GPR35: variants seen among roughly 807,000 people sequenced by gnomAD.
The protein encoded by GPR35 is KYNA receptor.
For synonymous variants in GPR35, 207 were observed against 198.4 expected (o/e 1.04, Z -0.36); for missense variants, 372 against 422.5 (o/e 0.88, Z 1.05).
intron 5 of GPR35, among the ~76,000 whole-genome samples, chr2:240,620,384 G>A (rs894797769): frequency 2.0e-5 from 3 of 152,118 alleles, no homozygotes; most frequent in Non-Finnish European, 4.4e-5. Flanking sequence ...GCGTGGAGAC[G>A]GCCCCTGAGT....
Position 240,630,708 on chromosome 2 carries a change from G to A in GPR35, c.756G>A (p.Glu252=), listed in dbSNP as rs144191361. The A allele has an allele frequency of 5.6e-6, 9 of 1,613,412 alleles. No individual in the cohort carries two copies. The highest frequency in any genetic ancestry group is 2.2e-5 in the East Asian group (1 of 44,886). ...AVGWNACALL[E]TIRRALYITS... ...GCTGGAACGCCTGTGCCCTCCTGGA[G>A]ACGATCCGTCGCGCCCTGTACATAA... The change falls in exon 2 of 2, where the codon GAG becomes GAA. Residue 252 remains glutamate, a synonymous_variant. Coordinates refer to ENST00000407714, the MANE Select transcript of GPR35 (RefSeq NM_005301.5).
chr2:240,622,614 G>A (rs552195561), upstream of GPR35, among the ~76,000 whole-genome samples: 26 of 152,394 alleles, frequency 1.7e-4, no homozygotes, highest in South Asian at 6.2e-4. Context: ...CCCGCAGCCC[G>A]AGTGTTGGAC....
At chr2:240,624,040 G>C (rs77733355), upstream of GPR35, among the ~76,000 whole-genome samples, 679 of 151,978 alleles carry the variant, frequency 4.5e-3, 39 homozygotes, top group East Asian at 0.11. Context: ...GCAGGGCCCT[G>C]GCTCTGGTGG....
At chr2:240,616,867 T>C in intron 3 of GPR35, 1 of 724,244 alleles carries the variant, frequency 1.4e-6, no homozygotes, top group Non-Finnish European at 2.6e-6. Context: ...TGCCATGCTG[T>C]GTGCTGCCCT....
At chr2:240,622,839 G>T (rs1182048060), upstream of GPR35, among the ~76,000 whole-genome samples, 1 of 152,236 alleles carries the variant, frequency 6.6e-6, no homozygotes, top group Non-Finnish European at 1.5e-5. Flanking sequence ...CTGCCCAGGA[G>T]CAGAGGCTGG....
At chr2:240,622,577 C>T (rs1467353454), upstream of GPR35, among the ~76,000 whole-genome samples, 1 of 152,188 alleles carries the variant, frequency 6.6e-6, no homozygotes, top group Non-Finnish European at 1.5e-5. Flanking sequence ...AGAAAGTTTA[C>T]AAATTTGTGT....
chr2:240,613,240 T>C (rs905741254), intron 2 of GPR35, among the ~76,000 whole-genome samples: 4 of 151,916 alleles, frequency 2.6e-5, no homozygotes, highest in Non-Finnish European at 4.4e-5. Context: ...CAAGAAACAC[T>C]GACCAGGCCT....
chr2:240,606,077 C>T (rs981226727), intron 1 of GPR35, among the ~76,000 whole-genome samples: 4 of 152,316 alleles, frequency 2.6e-5, no homozygotes, highest in South Asian at 2.1e-4. Context: ...CCCCCAAACC[C>T]GGCCATTCCT....
At chr2:240,625,148 C>A (rs1022309069), upstream of GPR35, 5 of 545,574 alleles carry the variant, frequency 9.2e-6, no homozygotes, top group Non-Finnish European at 1.2e-5. Flanking sequence ...GGAAGGTTTC[C>A]GAGATGACAG....
chr2:240,620,572 ATCCCT>A (rs1480007775), upstream of GPR35, among the ~76,000 whole-genome samples: 1 of 151,958 alleles, frequency 6.6e-6, no homozygotes, highest in African/African-American at 2.4e-5. Flanking sequence ...GCCCCTCAGG[ATCCCT>A]TCCAGACCCC....
At position 240,631,974 on chromosome 2, in the gene GPR35, G is replaced by A. The variant is rs2043453396; in HGVS notation, c.*1092G>A. On this transcript the variant is annotated 3_prime_UTR_variant, in exon 2 of 2. Coordinates refer to ENST00000407714, the MANE Select transcript of GPR35 (RefSeq NM_005301.5). ...GGCTGATGGCATCTCACAGGACCCA[G>A]GCTCCGGAGGGCCCATGCCCAGGAG... Among the ~76,000 whole-genome samples, 1 of 141,202 alleles carries A rather than the reference G, an allele frequency of 7.1e-6. No homozygotes were observed. The highest frequency in any genetic ancestry group is 2.5e-5 in the African/African-American group (1 of 40,362). 92.6% of individuals were successfully genotyped at this position (141,202 alleles called of 152,430 possible). A position where few individuals can be genotyped will look rare whatever the true frequency, so the allele number is the denominator to read the frequency against.
At chr2:240,624,168 T>A (rs578034602), upstream of GPR35, among the ~76,000 whole-genome samples, 1 of 152,232 alleles carries the variant, frequency 6.6e-6, no homozygotes, top group Non-Finnish European at 1.5e-5. Flanking sequence ...CTTGGACTGA[T>A]CAGGTGCCGT....
upstream of GPR35, among the ~76,000 whole-genome samples, chr2:240,620,834 G>A (rs140005106): frequency 1.2e-4 from 19 of 152,324 alleles, no homozygotes; most frequent in East Asian, 3.3e-3. Flanking sequence ...CCCCTCTGTG[G>A]CCACACACTC....
chr2:240,629,912 A>T (rs2975785), intron 1 of GPR35, 37 bp from the exon 2 acceptor site: 2 of 1,545,312 alleles, frequency 1.3e-6, no homozygotes, highest in Non-Finnish European at 1.8e-6. Context: ...CCCCCTGCTC[A>T]CTCTCTGCTG....
At chr2:240,607,686 A>G (rs1286888295) in intron 2 of GPR35, among the ~76,000 whole-genome samples, 1 of 151,966 alleles carries the variant, frequency 6.6e-6, no homozygotes, top group Non-Finnish European at 1.5e-5. Context: ...GTATCCTGTA[A>G]CCTTGATAAT....
At chr2:240,621,658 C>G (rs1398546343), upstream of GPR35, among the ~76,000 whole-genome samples, 1 of 151,410 alleles carries the variant, frequency 6.6e-6, no homozygotes, top group Non-Finnish European at 1.5e-5. Context: ...ATTCAGACCT[C>G]AAGACATGCT....
chr2:240,617,136 G>A, exon 4 of GPR35: 1 of 713,458 alleles, frequency 1.4e-6, no homozygotes, highest in Non-Finnish European at 2.6e-6. Context: ...TGAGCCTTCT[G>A]ATGAGACTGC....
upstream of GPR35, among the ~76,000 whole-genome samples, chr2:240,620,507 G>T (rs2043281706): frequency 6.6e-6 from 1 of 152,064 alleles, no homozygotes; most frequent in Non-Finnish European, 1.5e-5. Flanking sequence ...GGTGCGACTT[G>T]CAGCCCCTCA....
intron 1 of GPR35, chr2:240,629,597 C>T: frequency 4.6e-6 from 1 of 217,496 alleles, no homozygotes; most frequent in Non-Finnish European, 9.1e-6. Context: ...GCTGGTGGCC[C>T]TTTGGGCTCC....
Sources: gnomAD v4.1 joint callset for allele counts (sites outside exome capture counted in the v4.1 genomes callset) on GRCh38, gnomAD v4.1.1 for gene constraint, MANE v1.5 for transcripts, NCBI Gene and HGNC (gene_info 2026-07-23, HGNC 2026-07-21) for gene names.